The following SLC35F1 variants were observed in gnomAD, a reference collection of about 807,000 sequenced individuals.
The protein encoded by SLC35F1 is solute carrier family 35 member F1.
In SLC35F1, 14 loss-of-function variants were observed where a neutral mutation model predicts 48.7. The observed-to-expected ratio is 0.29, with a 90% CI of 0.19 to 0.45. The LOEUF (loss-of-function observed/expected upper bound fraction) is 0.45. Ranked by LOEUF, SLC35F1 falls within the 20% of genes least tolerant of loss-of-function variation. The pLI, the probability that SLC35F1 is intolerant of heterozygous loss-of-function variation, is 1.00. For synonymous variants in SLC35F1, 190 were observed against 202.2 expected, an observed-to-expected ratio of 0.94 and a Z score of 0.51; for missense variants, 404 against 500.0, an observed-to-expected ratio of 0.81 and a Z score of 1.83.
At chr6:118,200,984 C>A (rs1299792482) in intron 2 of SLC35F1, among the ~76,000 whole-genome samples, 1 of 152,116 alleles carries the variant, frequency 6.6e-6, no homozygotes, top group Admixed American at 6.5e-5. Context: ...CTCCTGAGCT[C>A]AAGCAATCTT....
intron 1 of SLC35F1, among the ~76,000 whole-genome samples, chr6:117,948,238 A>G (rs1470023318): frequency 6.6e-6 from 1 of 152,072 alleles, no homozygotes; most frequent in Non-Finnish European, 1.5e-5. Flanking sequence ...AAAAAGCAAT[A>G]CCACTTCATT....
intron 7 of SLC35F1, among the ~76,000 whole-genome samples, chr6:118,286,053 C>A (rs1338574282): frequency 1.3e-5 from 2 of 152,130 alleles, no homozygotes; most frequent in Admixed American, 6.6e-5. Flanking sequence ...CTGCCAATAA[C>A]AATCAATTAG....
intron 1 of SLC35F1, among the ~76,000 whole-genome samples, chr6:117,952,786 A>G (rs1776381017): frequency 6.6e-6 from 1 of 152,242 alleles, no homozygotes; most frequent in South Asian, 2.1e-4. Context: ...TATTTTGCCC[A>G]TCAATAATGG....
chr6:117,961,394 A>C (rs1776496690), intron 1 of SLC35F1, among the ~76,000 whole-genome samples: 1 of 152,178 alleles, frequency 6.6e-6, no homozygotes, highest in African/African-American at 2.4e-5. Flanking sequence ...ACCAAATGGA[A>C]AACTTGTGAG....
chr6:117,975,836 A>C (rs1173554699), intron 1 of SLC35F1, among the ~76,000 whole-genome samples: 1 of 152,200 alleles, frequency 6.6e-6, no homozygotes, highest in African/African-American at 2.4e-5. Context: ...GAATTTAGAA[A>C]AGTTACTATC....
chr6:117,999,268 CG>C (rs1376808653), intron 1 of SLC35F1: 1 of 1,595,712 alleles, frequency 6.3e-7, no homozygotes, highest in Non-Finnish European at 8.5e-7. Flanking sequence ...GACATGCCTA[CG>C]TTGCCCACCC....
chr6:118,099,484 TC>T (rs1773226037), intron 1 of SLC35F1, among the ~76,000 whole-genome samples: 1 of 149,428 alleles, frequency 6.7e-6, no homozygotes, highest in Non-Finnish European at 1.5e-5. Flanking sequence ...CCTCCCCTCC[TC>T]CCCTCCTCCT....
chr6:118,282,135 C>T (rs763001063), intron 6 of SLC35F1, among the ~76,000 whole-genome samples: 1 of 152,186 alleles, frequency 6.6e-6, no homozygotes, highest in Non-Finnish European at 1.5e-5. Flanking sequence ...AAAAGTAATT[C>T]AGTTCATTTG....
chr6:118,053,193 G>C (rs572674512), intron 1 of SLC35F1, among the ~76,000 whole-genome samples: 2 of 152,256 alleles, frequency 1.3e-5, no homozygotes, highest in African/African-American at 4.8e-5. Context: ...TAGAAATCCA[G>C]TTTATGAAAG....
intron 1 of SLC35F1, among the ~76,000 whole-genome samples, chr6:117,934,347 G>A (rs1776138380): frequency 6.6e-6 from 1 of 152,170 alleles, no homozygotes; most frequent in African/African-American, 2.4e-5. Flanking sequence ...GGTGTTTTTA[G>A]CTAGGACAAA....
chr6:118,162,850 G>A (rs907863618), intron 2 of SLC35F1, among the ~76,000 whole-genome samples: 1 of 152,152 alleles, frequency 6.6e-6, no homozygotes, highest in African/African-American at 2.4e-5. Context: ...AGTGCTTACA[G>A]TGCTTACAGG....
chr6:117,987,955 T>C (rs928443051), intron 1 of SLC35F1, among the ~76,000 whole-genome samples: 4 of 152,114 alleles, frequency 2.6e-5, no homozygotes, highest in Non-Finnish European at 5.9e-5. Context: ...AAGCTTGGGA[T>C]GTGCAGTTAG....
chr6:118,037,433 CT>C (rs34893972), intron 1 of SLC35F1, among the ~76,000 whole-genome samples: 3 of 151,982 alleles, frequency 2.0e-5, no homozygotes, highest in Admixed American at 6.5e-5. Context: ...CCTTACCTGC[CT>C]TTTTTGGGGT....
intron 1 of SLC35F1, among the ~76,000 whole-genome samples, chr6:117,926,209 T>C (rs1172052962): frequency 1.3e-5 from 2 of 152,166 alleles, no homozygotes; most frequent in Non-Finnish European, 2.9e-5. Context: ...CATGCTGTTC[T>C]CTTGGTAATG....
At chr6:118,287,072 G>T (rs1172980121) in intron 7 of SLC35F1, among the ~76,000 whole-genome samples, 1 of 152,162 alleles carries the variant, frequency 6.6e-6, no homozygotes, top group Non-Finnish European at 1.5e-5. Context: ...TTTGCAGTTT[G>T]TTTCGTCTGT....
chr6:118,285,147 A>T, intron 6 of SLC35F1, 37 bp from the exon 7 acceptor site: 1 of 1,603,952 alleles, frequency 6.2e-7, no homozygotes, highest in East Asian at 2.2e-5. Context: ...GCCCTGGAGG[A>T]GGCCCTGACG....
chr6:118,010,235 C>G (rs1309641798), intron 1 of SLC35F1, among the ~76,000 whole-genome samples: 2 of 152,082 alleles, frequency 1.3e-5, no homozygotes, highest in Non-Finnish European at 2.9e-5. Flanking sequence ...AAGTATAAAT[C>G]TGGGATTTAC....
At chr6:118,170,838 CATAA>C (rs1365129986) in intron 2 of SLC35F1, among the ~76,000 whole-genome samples, 1 of 152,094 alleles carries the variant, frequency 6.6e-6, no homozygotes, top group Non-Finnish European at 1.5e-5. Flanking sequence ...CAAATATAGA[CATAA>C]ATATAATTTT....
At chr6:118,184,518 A>G (rs1289447054) in intron 2 of SLC35F1, among the ~76,000 whole-genome samples, 1 of 152,188 alleles carries the variant, frequency 6.6e-6, no homozygotes, top group Non-Finnish European at 1.5e-5. Context: ...CAGTCCTCCA[A>G]AGGACAAGAG....
Sources: allele counts gnomAD v4.1 joint callset (sites outside exome capture counted in the v4.1 genomes callset), GRCh38; gene constraint gnomAD v4.1.1; transcripts MANE v1.5; gene names NCBI Gene and HGNC (gene_info 2026-07-23, HGNC 2026-07-21).